Variants in ERCC5 observed in about 807,000 individuals in gnomAD.
The protein encoded by ERCC5 is ERCC excision repair 5, endonuclease, also known as DNA excision repair protein ERCC-5.
Under a neutral mutation model 105.6 loss-of-function variants are expected in ERCC5, and 68 were observed. The observed-to-expected ratio is 0.64, with a 90% CI of 0.53 to 0.79. ERCC5 has a LOEUF of 0.79. Among genes scored for constraint, ERCC5 ranks in the 30% least tolerant of loss-of-function variants. The probability of loss-of-function intolerance (pLI) is 0.00; values close to 1 mark genes in which losing one functional copy is unlikely to be tolerated. For missense variants in ERCC5, 1,373 were observed against 1,426.7 expected, an observed-to-expected ratio of 0.96 and a Z score of 0.61; for synonymous variants, 546 against 526.2, an observed-to-expected ratio of 1.04 and a Z score of -0.51.
Position 102,860,995 on chromosome 13 carries a change from T to C in ERCC5, c.673-512T>C, listed in dbSNP as rs568880295. Reference sequence around the variant, plus strand: ...ATAAACAGTATTCATGATTTTTTTTTTTTTTTTTTTGAGGGGAAGTCTCGC... The same window carrying C: ...ATAAACAGTATTCATGATTTTTTTTCTTTTTTTTTTGAGGGGAAGTCTCGC... On this transcript the variant is annotated intron_variant, in intron 6 of 14. Transcript: ENST00000652225. Among the ~76,000 whole-genome samples, 15 of 151,090 alleles carry C rather than the reference T, an allele frequency of 9.9e-5. No homozygotes were observed. The East Asian group carries it at 2.0e-3, about 20-fold the overall frequency.
At chr13:102,849,226 C>T (rs372702255) in intron 1 of ERCC5, 17 of 518,688 alleles carry the variant, frequency 3.3e-5, no homozygotes, top group African/African-American at 3.3e-4. Context: ...CTCGTGGTCT[C>T]CACCACTACT....
Position 102,872,169 on chromosome 13 carries a change from TGTAA to T in ERCC5, c.2679-24_2679-21del, listed in dbSNP as rs770864142. 5 of 1,609,630 alleles carry T rather than the reference TGTAA, an allele frequency of 3.1e-6. No homozygotes were observed. In the East Asian group the frequency reaches 1.1e-4, roughly 36 times the overall value. On this transcript the variant is annotated intron_variant, in intron 12 of 14. Transcript: ENST00000652225. ...TATGAACTATAATGTCTCATTGCTG[TGTAA>T]GTAATTGTTTCCTTTATTTTACAGA... is the stretch of plus-strand genomic sequence containing the variant.
intron 6 of ERCC5, chr13:102,858,879 A>G (rs1017575086): frequency 1.1e-5 from 5 of 455,956 alleles, no homozygotes; most frequent in Non-Finnish European, 1.8e-5. Flanking sequence ...TCTAATCACA[A>G]TGGAAAAATA....
At chr13:102,870,796 C>G (rs4150354) in intron 12 of ERCC5, among the ~76,000 whole-genome samples, 4,906 of 152,246 alleles carry the variant, frequency 0.032, 270 homozygotes, top group African/African-American at 0.11. Context: ...CCCTGACAGC[C>G]GGTCTGAGTG....
chr13:102,870,325 G>T (rs1171285305), intron 12 of ERCC5, among the ~76,000 whole-genome samples: 1 of 152,142 alleles, frequency 6.6e-6, no homozygotes, highest in Non-Finnish European at 1.5e-5. Flanking sequence ...AAAATACTGG[G>T]CCTGAATTTC....
intron 12 of ERCC5, among the ~76,000 whole-genome samples, chr13:102,871,028 C>A (rs1158610824): frequency 1.3e-5 from 2 of 152,218 alleles, no homozygotes; most frequent in Non-Finnish European, 2.9e-5. Context: ...TGATTTTGCT[C>A]ATGCCTCTGA....
chr13:102,862,915 T>A lies in ERCC5; in HGVS notation c.1766T>A (p.Ile589Lys), dbSNP rs184579506. The change falls in exon 8 of 15, where the codon ATA becomes AAA. Residue 589 changes from isoleucine (I) to lysine (K), a missense_variant. This residue lies in a region of ERCC5 where 1,004 missense variants were observed against 1,059.7 expected (regional missense o/e 0.95). Coordinates refer to ENST00000652225, the MANE Select transcript of ERCC5 (RefSeq NM_000123.4). ...GTCAGTTTGCAAGAAACAAGTAGCATAGTAAGTGTCCCTTCAGAGGCAGTA... is the reference window on the plus strand; with the variant it reads ...GTCAGTTTGCAAGAAACAAGTAGCAAAGTAAGTGTCCCTTCAGAGGCAGTA... Reference protein sequence around the residue: ...GPVSLQETSSIVSVPSEAVDN... With the variant: ...GPVSLQETSSKVSVPSEAVDN... 1.9e-6 allele frequency: 3 copies of A among 1,614,080 alleles called. No individual in the cohort carries two copies. The African/African-American group carries it at 4.0e-5, about 22-fold the overall frequency.
intron 1 of ERCC5, among the ~76,000 whole-genome samples, chr13:102,848,922 A>G (rs1189436995): frequency 6.6e-6 from 1 of 152,190 alleles, no homozygotes; most frequent in African/African-American, 2.4e-5. Context: ...CTCAGTCTCT[A>G]TGATTTAGAA....
rs544189029 is a variant in ERCC5 at position 102,853,806 on chromosome 13, C to T, written c.314C>T (p.Thr105Met). ...KDLASSDSRK[T>M]TEKLLKTFLK... ...TTAGCGTCCAGTGACTCCAGGAAAA[C>T]GACAGAGAAGCTTCTGAAAACATTT... is the stretch of plus-strand genomic sequence containing the variant. Residue 105 changes from threonine (T) to methionine (M), a missense_variant, in exon 3 of 15, where the codon ACG becomes ATG. Coordinates refer to ENST00000652225, the MANE Select transcript of ERCC5 (RefSeq NM_000123.4). The T allele has an allele frequency of 2.7e-5, 43 of 1,614,130 alleles. No homozygotes were observed. The highest frequency in any genetic ancestry group is 1.6e-4 in the East Asian group (7 of 44,870).
In ERCC5 at chr13:102,866,595, C is replaced by A. The variant is rs1431108386; in HGVS notation, c.2320-37C>A. On this transcript the variant is annotated intron_variant, in intron 10 of 14. Transcript: ENST00000652225. The stretch of plus-strand genomic sequence containing the variant: ...CCTGTGCTCAGGGCCTGGCGGTGCC[C>A]TTCCCTGGGCGTCACTGTGTACCCC... 2.5e-6 allele frequency: 4 copies of A among 1,610,854 alleles called. No individual in the cohort carries two copies. The Admixed American group carries it at 5.0e-5, about 20-fold the overall frequency.
intron 1 of ERCC5, among the ~76,000 whole-genome samples, chr13:102,847,297 A>ATTTTTTTTTTTTTTTTTTTTT (rs35223521): frequency 7.2e-6 from 1 of 139,446 alleles, no homozygotes. Flanking sequence ...TTATGTAGTC[A>ATTTTTTTTTTTTTTTTTTTTT]TTTTTTTTTT....
chr13:102,872,393 T>C lies in ERCC5; in HGVS notation c.2874T>C (p.Ile958=). The C allele has an allele frequency of 1.2e-6, 2 of 1,614,184 alleles. No homozygotes were observed. The highest frequency in any genetic ancestry group is 8.5e-7 in the Non-Finnish European group (1 of 1,180,018). Residue 958 remains isoleucine, a synonymous_variant, in exon 13 of 15, where the codon ATT becomes ATC. Coordinates refer to ENST00000652225, the MANE Select transcript of ERCC5 (RefSeq NM_000123.4). ...GGGGGAAACCTGATCTCGACAAAAT[T>C]AGAGAATATCCTTTGCTTCTTAAAA... ...FLWGKPDLDK[I]REFCQRYFGW...
chr13:102,865,866 G>A lies in ERCC5; in HGVS notation c.2154G>A (p.Glu718=). Residue 718 remains glutamate (E), a synonymous_variant, in exon 9 of 15, where the codon GAG becomes GAA. Coordinates refer to ENST00000652225, the MANE Select transcript of ERCC5 (RefSeq NM_000123.4). The surrounding 1 kb of genome is among the most constrained non-coding windows in gnomAD (Gnocchi z 4.0). ...DDVDGEPQEA[E]KDAEDSLHEW... is the part of the protein sequence containing the mutation. Reference sequence around the variant, plus strand: ...TGGATGGTGAGCCACAGGAAGCTGAGAAAGATGCGGAAGATTCGCTCCATG... The same window carrying A: ...TGGATGGTGAGCCACAGGAAGCTGAAAAAGATGCGGAAGATTCGCTCCATG... 6.2e-7 allele frequency: 1 copy of A among 1,614,244 alleles called. No homozygotes were observed. The highest frequency in any genetic ancestry group is 8.5e-7 in the Non-Finnish European group (1 of 1,180,052).
Position 102,852,210 on chromosome 13 carries a change from C to T in ERCC5, c.181C>T (p.Arg61Trp), listed in dbSNP as rs1439118079. 4 of 1,614,040 alleles carry T rather than the reference C, an allele frequency of 2.5e-6. No individual in the cohort carries two copies. Among genetic ancestry groups the T allele is most frequent in the African/African-American group, 1.3e-5 (1 of 75,036 alleles). ...ENPHLLTLFH[R>W]LCKLLFFRIR... ...TCCTCATCTTCTCACTTTGTTTCATCGGCTCTGCAAACTCTTATTTTTTCG... is the reference window on the plus strand; with the variant it reads ...TCCTCATCTTCTCACTTTGTTTCATTGGCTCTGCAAACTCTTATTTTTTCG... Residue 61 changes from arginine to tryptophan, a missense_variant, in exon 2 of 15, where the codon CGG (arginine) becomes TGG (tryptophan). By Grantham distance (101) the Arg-to-Trp change is moderately radical. Transcript: ENST00000652225.
chr13:102,868,361 A>G, intron 12 of ERCC5, 104 bp downstream of exon 12: 1 of 1,437,154 alleles, frequency 7.0e-7, no homozygotes, highest in Non-Finnish European at 9.7e-7. Flanking sequence ...ACATGTGAAC[A>G]ATGGTTCACT....
chr13:102,849,933 G>GTT (rs1555325183), intron 1 of ERCC5, among the ~76,000 whole-genome samples: 9 of 142,678 alleles, frequency 6.3e-5, no homozygotes, highest in African/African-American at 1.0e-4. Flanking sequence ...GTTTCTCTCT[G>GTT]TTTTTTTTTT....
At position 102,865,987 on chromosome 13, in the gene ERCC5, G is replaced by A. The variant is rs112577478; in HGVS notation, c.2199+76G>A. ...GTAGGTTTTGAGTTTTAAGGAGTTG[G>A]TGGATGAGTATTTAGTAGCTATTTG... On this transcript the variant is annotated intron_variant, in intron 9 of 14. Transcript: ENST00000652225. The surrounding 1 kb of genome is among the most constrained non-coding windows in gnomAD (Gnocchi z 4.0). 695 of 1,611,450 alleles carry A rather than the reference G, an allele frequency of 4.3e-4. 2 individuals carry two copies. The African/African-American group carries it at 8.0e-3, about 19-fold the overall frequency.
intron 5 of ERCC5, among the ~76,000 whole-genome samples, chr13:102,856,494 CTGTG>C (rs1218994428): frequency 6.6e-6 from 1 of 152,126 alleles, no homozygotes; most frequent in African/African-American, 2.4e-5. Context: ...AGTTGAATAT[CTGTG>C]TGTGTATTTG....
intron 3 of ERCC5, 137 bp from the exon 4 acceptor site, chr13:102,854,151 C>T: frequency 1.1e-6 from 1 of 930,918 alleles, no homozygotes; most frequent in Non-Finnish European, 1.7e-6. Flanking sequence ...AGGTGAGCAG[C>T]CCCGCCAAGG....
Sources: gnomAD v4.1 joint callset for allele counts (sites outside exome capture counted in the v4.1 genomes callset) on GRCh38, gnomAD v4.1.1 for gene constraint, gnomAD v4.1.1 regional missense constraint, Gnocchi (gnomAD v3.1) non-coding constraint, MANE v1.5 for transcripts, NCBI Gene and HGNC (gene_info 2026-07-23, HGNC 2026-07-21) for gene names.